Variants in FOLH1 observed in about 807,000 individuals in gnomAD.
FOLH1 encodes the protein folate hydrolase 1.
Under a neutral mutation model 93.9 loss-of-function variants are expected in FOLH1, and 54 were observed. That is an observed-to-expected ratio of 0.57 (90% CI 0.46 to 0.72). FOLH1 has a LOEUF of 0.72. Ranked by LOEUF, FOLH1 falls within the 30% of genes least tolerant of loss-of-function variation. FOLH1 has a pLI of 0.00. For missense variants in FOLH1, 571 were observed against 892.5 expected, an observed-to-expected ratio of 0.64 and a Z score of 4.59; for synonymous variants, 249 against 303.6, an observed-to-expected ratio of 0.82 and a Z score of 1.87.
At chr11:49,206,004 C>G in intron 2 of FOLH1, 63 bp downstream of exon 2, 1 of 1,517,622 alleles carries the variant, frequency 6.6e-7, no homozygotes, top group Non-Finnish European at 8.9e-7. Context: ...AAATATTGGA[C>G]CAAAACAGAA....
At chr11:49,200,715 T>C (rs1273847613) in intron 2 of FOLH1, among the ~76,000 whole-genome samples, 1 of 152,206 alleles carries the variant, frequency 6.6e-6, no homozygotes, top group East Asian at 1.9e-4. Context: ...TAGATTATCA[T>C]ATTCTTTCTT....
chr11:49,207,426 T>C (rs900334976), intron 1 of FOLH1, among the ~76,000 whole-genome samples: 1 of 152,238 alleles, frequency 6.6e-6, no homozygotes, highest in Non-Finnish European at 1.5e-5. Flanking sequence ...TGAATTTGTT[T>C]AAACCCATCT....
chr11:49,159,837 TTC>T (rs1857477657), intron 13 of FOLH1, among the ~76,000 whole-genome samples: 1 of 152,224 alleles, frequency 6.6e-6, no homozygotes, highest in Non-Finnish European at 1.5e-5. Flanking sequence ...GGGATTCAAT[TTC>T]TTTCTGGTTC....
chr11:49,200,214 A>C (rs1334954577), intron 3 of FOLH1, 41 bp downstream of exon 3: 1 of 1,409,822 alleles, frequency 7.1e-7, no homozygotes, highest in Non-Finnish European at 9.5e-7. Context: ...AAAAGAATAA[A>C]TGGGGGGAAT....
chr11:49,183,386 A>G (rs1448547227), intron 6 of FOLH1, 144 bp from the exon 7 acceptor site: 2 of 640,016 alleles, frequency 3.1e-6, no homozygotes, highest in Non-Finnish European at 5.2e-6. Flanking sequence ...GTTAGCGAGA[A>G]TGCAGAGCAA....
intron 3 of FOLH1, among the ~76,000 whole-genome samples, chr11:49,195,272 T>C (rs1267434832): frequency 6.6e-6 from 1 of 152,080 alleles, no homozygotes; most frequent in East Asian, 1.9e-4. Context: ...ACAATAACAA[T>C]CTTTATATTC....
chr11:49,203,042 A>C (rs999897107), intron 2 of FOLH1, among the ~76,000 whole-genome samples: 1 of 152,238 alleles, frequency 6.6e-6, no homozygotes, highest in Non-Finnish European at 1.5e-5. Flanking sequence ...ACAAAATTTG[A>C]TATTCTAGTA....
chr11:49,151,440 ACAC>A (rs1324004314), intron 17 of FOLH1, among the ~76,000 whole-genome samples: 1 of 152,212 alleles, frequency 6.6e-6, no homozygotes, highest in Non-Finnish European at 1.5e-5. Context: ...ACACACACAC[ACAC>A]ACTTCTCTTT....
chr11:49,204,116 C>A (rs2135338195), intron 2 of FOLH1, among the ~76,000 whole-genome samples: 1 of 152,278 alleles, frequency 6.6e-6, no homozygotes, highest in African/African-American at 2.4e-5. Flanking sequence ...GTGCTCTTTT[C>A]CCAAGGGTTA....
intron 7 of FOLH1, among the ~76,000 whole-genome samples, chr11:49,182,894 G>A (rs1323935146): frequency 6.6e-6 from 1 of 152,036 alleles, no homozygotes; most frequent in Non-Finnish European, 1.5e-5. Context: ...CACAATGTCT[G>A]GAGCAATTGA....
At chr11:49,147,664 C>T (rs1388136852) in intron 18 of FOLH1, among the ~76,000 whole-genome samples, 1 of 152,090 alleles carries the variant, frequency 6.6e-6, no homozygotes, top group Non-Finnish European at 1.5e-5. Context: ...TAGCTCATGC[C>T]TGTAATCCCA....
In FOLH1 at chr11:49,171,280, A is replaced by G. The variant is rs766528615; in HGVS notation, c.1226-3T>C. On this transcript the variant is annotated splice_region_variant and splice_polypyrimidine_tract_variant and intron_variant, in intron 10 of 18. Coordinates refer to ENST00000256999, the MANE Select transcript of FOLH1 (RefSeq NM_004476.3). The stretch of plus-strand genomic sequence containing the variant: ...AATTGTTCTTCTAGGTCTCCACCCT[A>G]AAATGTATGTGTATATATAAATGAT... 6.4e-7 allele frequency: 1 copy of G among 1,567,802 alleles called. No individual in the cohort carries two copies. Among genetic ancestry groups the G allele is most frequent in the South Asian group, 1.2e-5 (1 of 83,664 alleles).
intron 3 of FOLH1, among the ~76,000 whole-genome samples, chr11:49,196,348 CACAA>C (rs1270724308): frequency 1.3e-5 from 2 of 151,956 alleles, no homozygotes; most frequent in South Asian, 2.1e-4. Context: ...TAAAATTTTC[CACAA>C]ACAGAGTCAA....
Position 49,208,324 on chromosome 11 carries a change from G to A in FOLH1, c.86C>T (p.Ala29Val), listed in dbSNP as rs756800218. The A allele has an allele frequency of 3.8e-6, 6 of 1,589,196 alleles. No homozygotes were observed. The highest frequency in any genetic ancestry group is 1.3e-5 in the African/African-American group (1 of 74,336). ...GAAGCCGAGGAGAAAGAAGCCACCC[G>A]CCAGCACCAGCGCCCCAGCGCACAG... The part of the protein sequence containing the change: ...RWLCAGALVL[A>V]GGFFLLGFLF... The change falls in exon 1 of 19, where the codon GCG becomes GTG. Residue 29 changes from alanine (A) to valine (V), a missense_variant. By Grantham distance (64) the Ala-to-Val change is moderately conservative. Coordinates refer to ENST00000256999, the MANE Select transcript of FOLH1 (RefSeq NM_004476.3).
intron 16 of FOLH1, 51 bp downstream of exon 16, chr11:49,154,177 G>T: frequency 1.3e-6 from 2 of 1,592,244 alleles, no homozygotes; most frequent in South Asian, 1.1e-5. Flanking sequence ...ATATTTAGGA[G>T]ATTAATAGAA....
intron 13 of FOLH1, among the ~76,000 whole-genome samples, chr11:49,163,415 T>G (rs1400386755): frequency 1.3e-5 from 2 of 152,092 alleles, no homozygotes; most frequent in Non-Finnish European, 2.9e-5. Flanking sequence ...CCCAGTCATC[T>G]TGGGCTCTCC....
At chr11:49,167,801 A>G (rs1441399101) in intron 12 of FOLH1, among the ~76,000 whole-genome samples, 2 of 152,134 alleles carry the variant, frequency 1.3e-5, no homozygotes, top group Middle Eastern at 3.4e-3. Context: ...GCGGAGTGAG[A>G]CCCTGACTCA....
At chr11:49,207,819 G>T (rs1241293896) in intron 1 of FOLH1, 8 of 451,798 alleles carry the variant, frequency 1.8e-5, no homozygotes, top group Non-Finnish European at 3.5e-5. Context: ...TCAGTACCCA[G>T]GAAAAACAGC....
intron 6 of FOLH1, among the ~76,000 whole-genome samples, chr11:49,184,098 A>G (rs1439695608): frequency 6.6e-6 from 1 of 152,160 alleles, no homozygotes; most frequent in Non-Finnish European, 1.5e-5. Context: ...TGTTTTTAAA[A>G]CAATCTAATA....
Sources: allele counts gnomAD v4.1 joint callset (sites outside exome capture counted in the v4.1 genomes callset), GRCh38; gene constraint gnomAD v4.1.1; transcripts MANE v1.5; gene names NCBI Gene and HGNC (gene_info 2026-07-23, HGNC 2026-07-21).